CDKAL1: variants seen among roughly 807,000 people sequenced by gnomAD.
CDKAL1 encodes the protein CDKAL1 threonylcarbamoyladenosine tRNA methylthiotransferase.
Under a neutral mutation model 68.2 loss-of-function variants are expected in CDKAL1, and 32 were observed. The observed-to-expected ratio is 0.47, with a 90% CI of 0.35 to 0.63. The LOEUF is 0.63. CDKAL1 is among the 30% of genes least tolerant of loss of function. The pLI is 0.00. For synonymous variants in CDKAL1, 234 were observed against 244.3 expected, an observed-to-expected ratio of 0.96 and a Z score of 0.39; for missense variants, 606 against 696.7, an observed-to-expected ratio of 0.87 and a Z score of 1.47.
chr6:21,204,045 C>T (rs1382590386), intron 15 of CDKAL1, among the ~76,000 whole-genome samples: 2 of 152,150 alleles, frequency 1.3e-5, no homozygotes, highest in Non-Finnish European at 2.9e-5. Flanking sequence ...TTATCTTGTG[C>T]TCACATGCAG....
intron 13 of CDKAL1, among the ~76,000 whole-genome samples, chr6:21,162,338 A>G (rs952026580): frequency 9.2e-5 from 14 of 152,262 alleles, no homozygotes; most frequent in Admixed American, 5.2e-4. Flanking sequence ...AAAATAATCT[A>G]TTTGGGGTCA....
chr6:20,906,098 T>C (rs1339234932), intron 9 of CDKAL1, among the ~76,000 whole-genome samples: 4 of 152,214 alleles, frequency 2.6e-5, no homozygotes, highest in Non-Finnish European at 4.4e-5. Flanking sequence ...CTTTTTGTTT[T>C]CTACATGATT....
chr6:20,560,595 A>G (rs1764228638), intron 4 of CDKAL1, among the ~76,000 whole-genome samples: 1 of 152,242 alleles, frequency 6.6e-6, no homozygotes, highest in Admixed American at 6.5e-5. Context: ...TGCAACTTGT[A>G]TAGCTTATTA....
chr6:20,593,559 C>T (rs1218642938), intron 4 of CDKAL1, among the ~76,000 whole-genome samples: 4 of 149,392 alleles, frequency 2.7e-5, no homozygotes, highest in Non-Finnish European at 4.4e-5. Context: ...ATTCTTCTCT[C>T]TTTTCTTCTT....
At chr6:20,962,108 TATTCAA>T (rs1444030362) in intron 10 of CDKAL1, among the ~76,000 whole-genome samples, 2 of 152,244 alleles carry the variant, frequency 1.3e-5, no homozygotes, top group Non-Finnish European at 2.9e-5. Context: ...ACTATTCCTA[TATTCAA>T]ATTATAATAA....
rs753203145 is a variant in CDKAL1, at chr6:21,108,388, T to G, written c.1237-13T>G. On this transcript the variant is annotated splice_polypyrimidine_tract_variant and intron_variant, in intron 12 of 15. Coordinates refer to ENST00000274695, the MANE Select transcript of CDKAL1 (RefSeq NM_017774.3). ...GTATGTTGGTTTTTTGTTTTTTTTG[T>G]TTTTTTTCACAGAAAAAGCAAAGGA... The G allele has an allele frequency of 1.6e-5, 26 of 1,592,334 alleles. No homozygotes were observed. The highest frequency in any genetic ancestry group is 1.1e-4 in the South Asian group (10 of 87,684).
chr6:20,941,637 T>A (rs1328284577), intron 9 of CDKAL1, among the ~76,000 whole-genome samples: 2 of 152,204 alleles, frequency 1.3e-5, no homozygotes, highest in Admixed American at 6.5e-5. Context: ...TCTACTAGGA[T>A]CTATTTTTAG....
chr6:20,590,541 T>G (rs1765549678), intron 4 of CDKAL1, among the ~76,000 whole-genome samples: 1 of 151,996 alleles, frequency 6.6e-6, no homozygotes, highest in Admixed American at 6.6e-5. Context: ...CGGTGTGTGA[T>G]GTTCCCCTCC....
intron 9 of CDKAL1, among the ~76,000 whole-genome samples, chr6:20,852,776 G>A (rs376517170): frequency 7.2e-5 from 11 of 152,290 alleles, no homozygotes; most frequent in African/African-American, 2.6e-4. Flanking sequence ...TTTTTACAAA[G>A]GAAACTTGAA....
intron 13 of CDKAL1, among the ~76,000 whole-genome samples, chr6:21,169,590 C>G (rs182551254): frequency 2.0e-5 from 3 of 152,150 alleles, no homozygotes; most frequent in Admixed American, 6.5e-5. Flanking sequence ...GAGCTGAGAT[C>G]GCACCACTAC....
intron 4 of CDKAL1, among the ~76,000 whole-genome samples, chr6:20,601,432 G>A (rs1766090809): frequency 6.6e-6 from 1 of 152,122 alleles, no homozygotes; most frequent in South Asian, 2.1e-4. Context: ...TTTAACAAAA[G>A]TTTTTCTTGT....
chr6:21,132,184 CTT>C (rs1210479733), intron 13 of CDKAL1, among the ~76,000 whole-genome samples: 3 of 152,032 alleles, frequency 2.0e-5, no homozygotes, highest in East Asian at 1.9e-4. Context: ...AGAAAGATCT[CTT>C]TGCACAAAAA....
intron 4 of CDKAL1, among the ~76,000 whole-genome samples, chr6:20,637,460 G>A (rs1311146075): frequency 6.6e-6 from 1 of 152,054 alleles, no homozygotes. Flanking sequence ...CTACTCGGGA[G>A]GCTGAGGCAG....
intron 9 of CDKAL1, among the ~76,000 whole-genome samples, chr6:20,944,559 G>A (rs1764144853): frequency 6.6e-6 from 1 of 152,164 alleles, no homozygotes; most frequent in Non-Finnish European, 1.5e-5. Context: ...TGGCCAGGCT[G>A]GTCTTGAACT....
intron 8 of CDKAL1, among the ~76,000 whole-genome samples, chr6:20,818,649 T>TC (rs1168568932): frequency 6.6e-6 from 1 of 151,776 alleles, no homozygotes; most frequent in East Asian, 1.9e-4. Context: ...GAGTAGGTTT[T>TC]GTTAGGACAG....
intron 9 of CDKAL1, among the ~76,000 whole-genome samples, chr6:20,918,773 A>G (rs1394686523): frequency 1.3e-5 from 2 of 152,210 alleles, no homozygotes; most frequent in African/African-American, 4.8e-5. Context: ...ATGGGAGGCT[A>G]TGTAAAATGA....
chr6:20,994,074 G>C (rs1026085444), intron 10 of CDKAL1, among the ~76,000 whole-genome samples: 2 of 152,130 alleles, frequency 1.3e-5, no homozygotes, highest in African/African-American at 4.8e-5. Flanking sequence ...TCAGAGCACC[G>C]AGCTGCTCAT....
chr6:20,898,425 C>T (rs1244707192), intron 9 of CDKAL1, among the ~76,000 whole-genome samples: 1 of 149,328 alleles, frequency 6.7e-6, no homozygotes, highest in Non-Finnish European at 1.5e-5. Context: ...CATGCTAGAT[C>T]ATGACTGGAG....
chr6:20,553,061 G>T (rs1211861622), intron 4 of CDKAL1, among the ~76,000 whole-genome samples: 3 of 152,130 alleles, frequency 2.0e-5, no homozygotes, highest in Non-Finnish European at 4.4e-5. Flanking sequence ...AATGTATAGG[G>T]AGTTTATTGA....
Sources: allele counts gnomAD v4.1 joint callset (sites outside exome capture counted in the v4.1 genomes callset), GRCh38; gene constraint gnomAD v4.1.1; transcripts MANE v1.5; gene names NCBI Gene and HGNC (gene_info 2026-07-23, HGNC 2026-07-21).